Variants in GTF2IRD1 observed in about 807,000 individuals in gnomAD.
GTF2IRD1 encodes general transcription factor II-I repeat domain-containing protein 1.
GTF2IRD1 carries 26 observed loss-of-function variants against 113.2 expected under a neutral mutation model. That is an observed-to-expected ratio of 0.23 (90% CI 0.17 to 0.32). The LOEUF is 0.32. GTF2IRD1 is among the 10% of genes least tolerant of loss of function. The pLI is 1.00. For synonymous variants in GTF2IRD1, 484 were observed against 529.1 expected (o/e 0.91, Z 1.17); for missense variants, 864 against 1,280.8 (o/e 0.67, Z 4.97).
At chr7:74,567,906 C>T (rs1800422308) in intron 22 of GTF2IRD1, among the ~76,000 whole-genome samples, 1 of 152,100 alleles carries the variant, frequency 6.6e-6, no homozygotes, top group South Asian at 2.1e-4. Flanking sequence ...CTGCCTCAGC[C>T]TCCCGAGTAG....
At chr7:74,457,877 G>GTTTTT (rs1219714627) in intron 1 of GTF2IRD1, among the ~76,000 whole-genome samples, 1 of 122,780 alleles carries the variant, frequency 8.1e-6, no homozygotes. Flanking sequence ...TTACGTTTTT[G>GTTTTT]TTTTTTTTTT....
At chr7:74,559,373 G>A (rs1373050889) in intron 21 of GTF2IRD1, among the ~76,000 whole-genome samples, 3 of 152,214 alleles carry the variant, frequency 2.0e-5, no homozygotes, top group Non-Finnish European at 4.4e-5. Flanking sequence ...CCAAGGTCCC[G>A]GGGCCAGCCA....
chr7:74,524,204 A>C lies in GTF2IRD1; in HGVS notation c.1090+50A>C, dbSNP rs782761101. On this transcript the variant is annotated intron_variant, in intron 8 of 26. Coordinates refer to ENST00000424337, the MANE Select transcript of GTF2IRD1 (RefSeq NM_005685.4). ...TGTGGCCCCAGCAGCCGTGTTGAGC[A>C]TCTCATTACGTGGCAATCACTCGTG... The C allele has an allele frequency of 3.1e-6, 4 of 1,300,868 alleles. No individual in the cohort carries two copies. The South Asian group carries it at 4.9e-5, about 16-fold the overall frequency. The allele number at this position is 1,300,868 out of a possible 1,614,324, so 80.6% of individuals were successfully genotyped here.
intron 8 of GTF2IRD1, among the ~76,000 whole-genome samples, chr7:74,527,836 A>G (rs1050808980): frequency 1.3e-5 from 2 of 152,162 alleles, no homozygotes; most frequent in African/African-American, 2.4e-5. Flanking sequence ...GCAAGACTCC[A>G]TCAGGGAAAA....
At chr7:74,562,555 CTTTTTTTTTTTTTT>C (rs1167468655) in intron 22 of GTF2IRD1, among the ~76,000 whole-genome samples, 21 of 62,702 alleles carry the variant, frequency 3.3e-4, no homozygotes, top group African/African-American at 7.2e-4. Context: ...CAATTGCCCT[CTTTTTTTTTTTTTT>C]TTTTTTTTTT....
chr7:74,535,910 C>T (rs1798265326), intron 10 of GTF2IRD1, among the ~76,000 whole-genome samples: 3 of 152,186 alleles, frequency 2.0e-5, no homozygotes, highest in South Asian at 2.1e-4. Context: ...TGCTGCCTCC[C>T]ATTCCTCCTG....
At chr7:74,523,985 G>A in intron 7 of GTF2IRD1, 86 bp from the exon 8 acceptor site, 4 of 919,744 alleles carry the variant, frequency 4.3e-6, no homozygotes, top group South Asian at 4.1e-5. Flanking sequence ...GGGCTCTGGG[G>A]GTGAAAGCCC....
At chr7:74,598,947 T>C (rs587705593) in intron 25 of GTF2IRD1, among the ~76,000 whole-genome samples, 1 of 152,294 alleles carries the variant, frequency 6.6e-6, no homozygotes, top group Non-Finnish European at 1.5e-5. Context: ...TCTCCACCAG[T>C]TGAAGAGACA....
chr7:74,558,347 C>CTTT lies in GTF2IRD1; in HGVS notation c.2108-486_2108-484dup, dbSNP rs1193682168. ...ATTGGTGTGGCTTTTTCTTTCGTTT[C>CTTT]TTTTTTTTTTTTTTTTTTTTTTTTT... is the stretch of plus-strand genomic sequence containing the variant. On this transcript the variant is annotated intron_variant, in intron 20 of 26. Transcript: ENST00000424337. Among the ~76,000 whole-genome samples, 134 of 60,460 alleles carry CTTT rather than the reference C, an allele frequency of 2.2e-3. 17 individuals are homozygous for CTTT. Among genetic ancestry groups the CTTT allele is most frequent in the Middle Eastern group, 0.017 (1 of 60 alleles). The allele number at this position is 60,460 out of a possible 152,430, so 39.7% of individuals were successfully genotyped here.
At chr7:74,584,228 G>A (rs1306952480) in intron 22 of GTF2IRD1, among the ~76,000 whole-genome samples, 4 of 152,236 alleles carry the variant, frequency 2.6e-5, no homozygotes, top group African/African-American at 9.6e-5. Context: ...TGGATCACCT[G>A]AGGTCAGGAG....
At chr7:74,583,371 C>CTTTTTTTTTTTTTTTT (rs1168890388) in intron 22 of GTF2IRD1, among the ~76,000 whole-genome samples, 2 of 122,308 alleles carry the variant, frequency 1.6e-5, no homozygotes, top group Non-Finnish European at 3.4e-5. Flanking sequence ...CTTTTTTTTT[C>CTTTTTTTTTTTTTTTT]TTTTTTTTTT....
At chr7:74,484,938 G>A (rs1476074821) in intron 1 of GTF2IRD1, among the ~76,000 whole-genome samples, 2 of 152,198 alleles carry the variant, frequency 1.3e-5, no homozygotes, top group Non-Finnish European at 2.9e-5. Context: ...CAACATTGCT[G>A]TAATGAGGGA....
chr7:74,496,735 T>C (rs1225934409), intron 1 of GTF2IRD1, among the ~76,000 whole-genome samples: 1 of 151,998 alleles, frequency 6.6e-6, no homozygotes, highest in Admixed American at 6.6e-5. Flanking sequence ...GCTTGTTAGG[T>C]GCCCCCTCCC....
At chr7:74,602,252 AAAAT>A in intron 26 of GTF2IRD1, 109 bp from the exon 27 acceptor site, 4 of 1,341,392 alleles carry the variant, frequency 3.0e-6, no homozygotes, top group Non-Finnish European at 4.0e-6. Context: ...AAAAAAATAA[AAAAT>A]ATAAATAAAT....
At chr7:74,509,085 G>C (rs1028481070) in intron 2 of GTF2IRD1, among the ~76,000 whole-genome samples, 2 of 152,016 alleles carry the variant, frequency 1.3e-5, no homozygotes, top group African/African-American at 4.8e-5. Flanking sequence ...GGCCCAGCAC[G>C]GTGGCTCACG....
intron 1 of GTF2IRD1, among the ~76,000 whole-genome samples, chr7:74,492,916 T>A (rs1220185490): frequency 6.6e-6 from 1 of 152,028 alleles, no homozygotes; most frequent in Non-Finnish European, 1.5e-5. Context: ...TCTATATGGA[T>A]GTCCAGTCTT....
At chr7:74,544,380 T>C (rs1179602759) in intron 14 of GTF2IRD1, among the ~76,000 whole-genome samples, 1 of 152,252 alleles carries the variant, frequency 6.6e-6, no homozygotes, top group African/African-American at 2.4e-5. Flanking sequence ...GAGACAGCAT[T>C]TCCCCATGTT....
chr7:74,595,112 G>GA, intron 25 of GTF2IRD1, 61 bp downstream of exon 25: 2 of 1,283,164 alleles, frequency 1.6e-6, no homozygotes, highest in Admixed American at 1.9e-5. Flanking sequence ...TGTTCCATTT[G>GA]AAAAAAGGTA....
chr7:74,496,569 T>G (rs1795733562), intron 1 of GTF2IRD1, among the ~76,000 whole-genome samples: 1 of 145,292 alleles, frequency 6.9e-6, no homozygotes, highest in African/African-American at 2.6e-5. Context: ...GGTGTACATG[T>G]GTGGGTGTGC....
Sources: gnomAD v4.1 joint callset for allele counts (sites outside exome capture counted in the v4.1 genomes callset) on GRCh38, gnomAD v4.1.1 for gene constraint, MANE v1.5 for transcripts, NCBI Gene and HGNC (gene_info 2026-07-23, HGNC 2026-07-21) for gene names.